C3orf52: variants seen among roughly 807,000 people sequenced by gnomAD.
C3orf52 encodes the protein TPA-induced transmembrane protein.
Under a neutral mutation model 24.8 loss-of-function variants are expected in C3orf52, and 22 were observed. The observed-to-expected ratio is 0.89, with a 90% CI of 0.63 to 1.27. The LOEUF is 1.27. Among genes scored for constraint, C3orf52 ranks in the 50% most tolerant of loss-of-function variants. The pLI is 0.00. For missense variants in C3orf52, 265 were observed against 260.7 expected (o/e 1.02, Z -0.11); for synonymous variants, 93 against 100.2 (o/e 0.93, Z 0.43).
At chr3:112,125,317 G>T in intron 4 of C3orf52, 1 of 1,127,354 alleles carries the variant, frequency 8.9e-7, no homozygotes, top group Non-Finnish European at 1.4e-6. Context: ...GGAAGAGCAG[G>T]GGAGGCTAGA....
At chr3:112,092,389 G>T (rs1255085870) in intron 1 of C3orf52, among the ~76,000 whole-genome samples, 1 of 152,130 alleles carries the variant, frequency 6.6e-6, no homozygotes, top group East Asian at 1.9e-4. Context: ...GTTTCCCATG[G>T]TCTCCATGAA....
downstream of C3orf52, chr3:112,130,206 A>T (rs182291377): frequency 5.5e-5 from 30 of 545,836 alleles, no homozygotes; most frequent in Non-Finnish European, 9.5e-5. Context: ...CATAACAGGG[A>T]CTAGCAGGGT....
At chr3:112,091,341 CTGTT>C (rs1416406342) in intron 1 of C3orf52, among the ~76,000 whole-genome samples, 2 of 152,226 alleles carry the variant, frequency 1.3e-5, no homozygotes, top group African/African-American at 2.4e-5. Flanking sequence ...AGGCCAGGCT[CTGTT>C]TGTTTTTGAA....
chr3:112,132,929 G>A, downstream of C3orf52: 1 of 638,224 alleles, frequency 1.6e-6, no homozygotes, highest in Non-Finnish European at 2.6e-6. Context: ...AATTTAATGT[G>A]GTATCTGGCA....
intron 4 of C3orf52, among the ~76,000 whole-genome samples, chr3:112,126,209 A>G (rs2074313504): frequency 6.6e-6 from 1 of 152,192 alleles, no homozygotes; most frequent in Non-Finnish European, 1.5e-5. Context: ...TGAAGTGGCT[A>G]GGGTGGGAGG....
intron 1 of C3orf52, among the ~76,000 whole-genome samples, chr3:112,087,279 C>T (rs1184786334): frequency 1.3e-5 from 2 of 152,170 alleles, no homozygotes; most frequent in South Asian, 2.1e-4. Context: ...GCTTTTACCT[C>T]CTCTCAATCC....
At chr3:112,091,220 C>G (rs1339680494) in intron 1 of C3orf52, among the ~76,000 whole-genome samples, 1 of 152,140 alleles carries the variant, frequency 6.6e-6, no homozygotes, top group East Asian at 1.9e-4. Context: ...ACTAAACAGC[C>G]CACAATCGTT....
chr3:112,090,375 G>C (rs544427848), intron 1 of C3orf52, among the ~76,000 whole-genome samples: 1 of 146,886 alleles, frequency 6.8e-6, no homozygotes, highest in Admixed American at 7.0e-5. Flanking sequence ...GCTCACTGCA[G>C]CCTTGACCTC....
downstream of C3orf52, among the ~76,000 whole-genome samples, chr3:112,132,238 A>G (rs1479743639): frequency 6.6e-6 from 1 of 152,148 alleles, no homozygotes; most frequent in African/African-American, 2.4e-5. Flanking sequence ...TCTTTTCGGC[A>G]AGTGGTCAAA....
rs867135855 is a variant in C3orf52 at position 112,111,080 on chromosome 3, G to A, written c.467+1467G>A. Among the ~76,000 whole-genome samples, 14 of 152,282 alleles carry A rather than the reference G, an allele frequency of 9.2e-5. No individual in the cohort carries two copies. The South Asian group carries it at 1.0e-3, about 11-fold the overall frequency. ...AAAAATTAGCTGGACGTGGTGGCGC[G>A]TGCCTGTAAACCCAGCTACTTGGGA... On this transcript the variant is annotated intron_variant, in intron 4 of 5. Coordinates refer to ENST00000264848, the MANE Select transcript of C3orf52 (RefSeq NM_024616.3).
At chr3:112,127,347 A>G (rs2074350375) in intron 4 of C3orf52, among the ~76,000 whole-genome samples, 4 of 152,140 alleles carry the variant, frequency 2.6e-5, no homozygotes, top group Admixed American at 2.6e-4. Flanking sequence ...CAAAGTATCA[A>G]TTTCTTTTCT....
intron 3 of C3orf52, among the ~76,000 whole-genome samples, chr3:112,107,643 G>C (rs751663746): frequency 3.0e-4 from 46 of 152,304 alleles, no homozygotes; most frequent in Middle Eastern, 3.4e-3. Flanking sequence ...TTGAATTTTG[G>C]CTTCTCCTTT....
rs528503394 is a variant in C3orf52, at chr3:112,115,403, C to T, written c.650-1239C>T. Reference sequence around the variant, plus strand: ...AGAGGGATGGAATGAGTTCTTACGCCAGTTTCTACGTGCTCATGAGCTGTG... The same window carrying T: ...AGAGGGATGGAATGAGTTCTTACGCTAGTTTCTACGTGCTCATGAGCTGTG... On this transcript the variant is annotated intron_variant, in intron 5 of 5. Transcript: ENST00000264848. 6.6e-5 allele frequency among the ~76,000 whole-genome samples: 10 copies of T among 152,264 alleles called. No homozygotes were observed. In the South Asian group the frequency reaches 1.9e-3, roughly 28 times the overall value.
chr3:112,093,226 C>T, intron 1 of C3orf52, 134 bp from the exon 2 acceptor site: 1 of 810,604 alleles, frequency 1.2e-6, no homozygotes, highest in South Asian at 2.3e-5. Flanking sequence ...TTTTTGAAAA[C>T]TTGATTCAGT....
In C3orf52 at chr3:112,128,032, C is replaced by T. The variant is rs200932859; in HGVS notation, c.*47-201C>T. The stretch of plus-strand genomic sequence containing the variant: ...GTCCACTCACCATGGAAGGCAGAAA[C>T]ACCCTTCAGCGATATGGTGATCCCA... On this transcript the variant is annotated intron_variant, in intron 4 of 4. Transcript: ENST00000480282. 5.1e-5 allele frequency: 83 copies of T among 1,613,672 alleles called. No homozygotes were observed. The East Asian group carries it at 1.9e-3, about 36-fold the overall frequency.
At chr3:112,125,235 A>G (rs1245819284) in intron 4 of C3orf52, 1 of 1,577,354 alleles carries the variant, frequency 6.3e-7, no homozygotes, top group Non-Finnish European at 8.7e-7. Context: ...CCTGGATGGG[A>G]GTAGATGACA....
rs1208482522 is a variant in C3orf52, at chr3:112,109,618, G to A, written c.467+5G>A. The A allele has an allele frequency of 1.3e-6, 2 of 1,567,268 alleles. No homozygotes were observed. Among genetic ancestry groups the A allele is most frequent in the East Asian group, 2.2e-5 (1 of 44,530 alleles). On this transcript the variant is annotated splice_donor_5th_base_variant and intron_variant, in intron 4 of 5. Transcript: ENST00000264848. ...AGTTGAAATAGTGGACTTCAGGTAA[G>A]AGTGTGGAACATTACATTTTGCTCT...
At chr3:112,094,551 T>C (rs549585613) in intron 2 of C3orf52, among the ~76,000 whole-genome samples, 60 of 152,356 alleles carry the variant, frequency 3.9e-4, no homozygotes, top group African/African-American at 1.4e-3. Context: ...ATTAGATTTC[T>C]TTATAGTCTT....
chr3:112,104,689 A>G (rs1465471113), intron 3 of C3orf52, among the ~76,000 whole-genome samples: 1 of 152,030 alleles, frequency 6.6e-6, no homozygotes, highest in Non-Finnish European at 1.5e-5. Context: ...GTATTTGGTT[A>G]CATGAATAAG....
Sources: allele counts gnomAD v4.1 joint callset (sites outside exome capture counted in the v4.1 genomes callset), GRCh38; gene constraint gnomAD v4.1.1; transcripts MANE v1.5; gene names NCBI Gene and HGNC (gene_info 2026-07-23, HGNC 2026-07-21).